The following TMEM217 variants were observed in gnomAD, a reference collection of about 807,000 sequenced individuals.
TMEM217 encodes the protein chromosome 6 open reading frame 128.
For missense variants in TMEM217, 204 were observed against 248.8 expected (o/e 0.82, Z 1.21); for synonymous variants, 76 against 88.3 (o/e 0.86, Z 0.78).
chr6:37,254,616 T>C (rs1765614017), intron 1 of TMEM217, among the ~76,000 whole-genome samples: 1 of 152,208 alleles, frequency 6.6e-6, no homozygotes, highest in Admixed American at 6.5e-5. Context: ...TCATCTTTCC[T>C]AACATAAAAA....
At chr6:37,215,728 C>T (rs1335403478), downstream of TMEM217, among the ~76,000 whole-genome samples, 1 of 151,988 alleles carries the variant, frequency 6.6e-6, no homozygotes, top group Non-Finnish European at 1.5e-5. Context: ...GGGAGGCTTT[C>T]TGGAGTAGGC....
chr6:37,255,140 A>G (rs887146787), intron 1 of TMEM217, among the ~76,000 whole-genome samples: 1 of 152,188 alleles, frequency 6.6e-6, no homozygotes, highest in Non-Finnish European at 1.5e-5. Context: ...GGAGATGGAC[A>G]ACAAACAAGT....
downstream of TMEM217, among the ~76,000 whole-genome samples, chr6:37,216,667 T>C (rs1313513525): frequency 6.6e-6 from 1 of 152,092 alleles, no homozygotes; most frequent in African/African-American, 2.4e-5. Flanking sequence ...GCTTGCCAAA[T>C]GGTGAGTGCT....
intron 1 of TMEM217, among the ~76,000 whole-genome samples, chr6:37,230,934 G>A (rs1243662622): frequency 1.3e-5 from 2 of 151,964 alleles, no homozygotes; most frequent in African/African-American, 4.8e-5. Flanking sequence ...CAACACAAAG[G>A]TTTTTTGTTA....
At chr6:37,216,030 T>C (rs532608421), downstream of TMEM217, among the ~76,000 whole-genome samples, 1 of 128,162 alleles carries the variant, frequency 7.8e-6, no homozygotes, top group Non-Finnish European at 1.7e-5. Context: ...TGTGTGTGTG[T>C]GTGAGAAACA....
exon 1 of TMEM217, chr6:37,257,804 C>T: frequency 2.6e-6 from 3 of 1,158,640 alleles, no homozygotes; most frequent in Non-Finnish European, 3.7e-6. Context: ...GAGCTGGGAG[C>T]GGGTGACCGG....
At chr6:37,216,207 T>A (rs1183936096), downstream of TMEM217, among the ~76,000 whole-genome samples, 1 of 151,896 alleles carries the variant, frequency 6.6e-6, no homozygotes, top group Non-Finnish European at 1.5e-5. Context: ...GCCTCCCGAG[T>A]AGCTGGGATT....
At chr6:37,230,439 C>G (rs1229562072) in intron 1 of TMEM217, among the ~76,000 whole-genome samples, 1 of 152,098 alleles carries the variant, frequency 6.6e-6, no homozygotes, top group Non-Finnish European at 1.5e-5. Flanking sequence ...CGCAGCACTG[C>G]AGAATGTGAC....
Position 37,219,039 on chromosome 6 carries a change from C to A in TMEM217, c.-9G>T. On this transcript the variant is annotated splice_region_variant and 5_prime_UTR_variant, in exon 2 of 2. In the 5' UTR this introduces an upstream ATG that the reference lacks. Transcript: ENST00000357219. ...CACTGCTGCTGTTTCATGCTGAGAC[C>A]TCCTGTGAAGACAAACAACATGAGG... is the stretch of plus-strand genomic sequence containing the variant. The A allele has an allele frequency of 1.2e-6, 2 of 1,608,974 alleles. No homozygotes were observed. Among genetic ancestry groups the A allele is most frequent in the Non-Finnish European group, 1.7e-6 (2 of 1,176,266 alleles).
downstream of TMEM217, chr6:37,215,313 A>C: frequency 6.2e-7 from 1 of 1,607,642 alleles, no homozygotes; most frequent in Non-Finnish European, 8.5e-7. Context: ...ATGAATAAAA[A>C]TTGTTTTTAA....
At chr6:37,252,635 ATATTTTTTTTTTTT>A (rs1364308930) in intron 1 of TMEM217, among the ~76,000 whole-genome samples, 2 of 60,384 alleles carry the variant, frequency 3.3e-5, no homozygotes, top group Non-Finnish European at 6.8e-5. Context: ...ATATATATAT[ATATTTTTTTTTTTT>A]TTTTTTTTTT....
intron 1 of TMEM217, among the ~76,000 whole-genome samples, chr6:37,223,310 C>T (rs4714048): frequency 0.15 from 23,009 of 151,936 alleles, 2,037 homozygotes; most frequent in Non-Finnish European, 0.2. Flanking sequence ...CTACACAAAA[C>T]ATATGGTACT....
intron 1 of TMEM217, among the ~76,000 whole-genome samples, chr6:37,245,722 G>T (rs1765029028): frequency 6.6e-6 from 1 of 152,024 alleles, no homozygotes; most frequent in Non-Finnish European, 1.5e-5. Context: ...GGAAGAGCAG[G>T]AGGAGGACGA....
chr6:37,244,030 T>C (rs1764935525), intron 1 of TMEM217, among the ~76,000 whole-genome samples: 1 of 152,240 alleles, frequency 6.6e-6, no homozygotes, highest in South Asian at 2.1e-4. Flanking sequence ...CTGGGGAAGT[T>C]ACAAATTTTG....
At chr6:37,231,300 C>T (rs538448343) in intron 1 of TMEM217, among the ~76,000 whole-genome samples, 32 of 147,102 alleles carry the variant, frequency 2.2e-4, no homozygotes, top group Non-Finnish European at 4.0e-4. Context: ...GAACTCCTGA[C>T]CTCAAGTGAT....
chr6:37,248,938 T>C (rs1765240840), intron 1 of TMEM217, among the ~76,000 whole-genome samples: 1 of 152,226 alleles, frequency 6.6e-6, no homozygotes. Context: ...AGAGAATCCT[T>C]TCCTGACCCT....
chr6:37,215,583 A>G (rs1403984153), downstream of TMEM217, among the ~76,000 whole-genome samples: 1 of 149,640 alleles, frequency 6.7e-6, no homozygotes, highest in South Asian at 2.1e-4. Flanking sequence ...AAAAAAAAAA[A>G]AAAAAAAAAA....
chr6:37,248,857 A>G (rs1765237260), intron 1 of TMEM217, among the ~76,000 whole-genome samples: 1 of 152,160 alleles, frequency 6.6e-6, no homozygotes, highest in Admixed American at 6.6e-5. Context: ...AAACAATAGA[A>G]ATTTGTTCTC....
At chr6:37,221,299 G>A (rs1329728172) in intron 1 of TMEM217, among the ~76,000 whole-genome samples, 14 of 151,858 alleles carry the variant, frequency 9.2e-5, no homozygotes, top group Admixed American at 9.2e-4. Flanking sequence ...CGATTCTCGT[G>A]CCTCAGCCTC....
Sources: allele counts gnomAD v4.1 joint callset (sites outside exome capture counted in the v4.1 genomes callset), GRCh38; gene constraint gnomAD v4.1.1; transcripts MANE v1.5; gene names NCBI Gene and HGNC (gene_info 2026-07-23, HGNC 2026-07-21).